Variants in RICTOR observed in about 807,000 individuals in gnomAD.
RICTOR encodes rapamycin-insensitive companion of mTOR.
A neutral mutation model predicts 214.9 loss-of-function variants in RICTOR; 49 were observed. The observed-to-expected ratio is 0.23, with a 90% CI of 0.18 to 0.29. RICTOR has a LOEUF of 0.29. RICTOR is among the 10% of genes least tolerant of loss of function. RICTOR has a pLI of 1.00. For missense variants in RICTOR, 1,625 were observed against 2,047.0 expected (o/e 0.79, Z 3.98); for synonymous variants, 717 against 711.3 (o/e 1.01, Z -0.13).
chr5:39,063,835 T>TAA (rs879261245), intron 2 of RICTOR, among the ~76,000 whole-genome samples: 12 of 144,512 alleles, frequency 8.3e-5, no homozygotes, highest in African/African-American at 2.8e-4. Flanking sequence ...ACAATGGGGT[T>TAA]AAAAAAAAAA....
chr5:39,051,919 TTTC>T (rs1757889807), intron 2 of RICTOR, among the ~76,000 whole-genome samples: 1 of 152,204 alleles, frequency 6.6e-6, no homozygotes, highest in African/African-American at 2.4e-5. Flanking sequence ...AACTTAAAAT[TTTC>T]TTACTTTAAG....
chr5:39,065,795 C>T (rs1193404356), intron 2 of RICTOR, among the ~76,000 whole-genome samples: 1 of 152,236 alleles, frequency 6.6e-6, no homozygotes, highest in Non-Finnish European at 1.5e-5. Flanking sequence ...CTCTATGTTC[C>T]ACATTCAAGG....
chr5:39,034,745 C>T (rs1038921303), intron 2 of RICTOR, among the ~76,000 whole-genome samples: 3 of 152,212 alleles, frequency 2.0e-5, no homozygotes, highest in African/African-American at 7.2e-5. Context: ...GATCAAACTG[C>T]AAGGCAGCAG....
At chr5:39,044,358 TG>T (rs1757350977) in intron 2 of RICTOR, among the ~76,000 whole-genome samples, 1 of 152,198 alleles carries the variant, frequency 6.6e-6, no homozygotes, top group African/African-American at 2.4e-5. Flanking sequence ...AACAAGACTA[TG>T]CTTCTTAAAT....
At chr5:38,996,705 A>T in intron 6 of RICTOR, 114 bp downstream of exon 6, 1 of 590,022 alleles carries the variant, frequency 1.7e-6, no homozygotes, top group Non-Finnish European at 3.0e-6. Context: ...AAAAATGTTT[A>T]ATAAAAGTTT....
At chr5:39,050,199 AATATAT>A (rs35127418) in intron 2 of RICTOR, among the ~76,000 whole-genome samples, 2 of 148,472 alleles carry the variant, frequency 1.3e-5, no homozygotes, top group African/African-American at 5.0e-5. Flanking sequence ...TAAATAAATA[AATATAT>A]ATATATATAA....
intron 2 of RICTOR, among the ~76,000 whole-genome samples, chr5:39,033,507 C>T (rs1756421488): frequency 1.3e-5 from 2 of 152,108 alleles, no homozygotes; most frequent in Admixed American, 1.3e-4. Flanking sequence ...CCTGATCCAC[C>T]CGTCTTGGCC....
At chr5:39,031,928 G>A (rs992762486) in intron 2 of RICTOR, among the ~76,000 whole-genome samples, 1 of 152,174 alleles carries the variant, frequency 6.6e-6, no homozygotes, top group African/African-American at 2.4e-5. Flanking sequence ...GACACTGGGA[G>A]TCCATCTTCT....
intron 2 of RICTOR, among the ~76,000 whole-genome samples, chr5:39,042,674 A>G (rs1356360536): frequency 6.6e-6 from 1 of 152,202 alleles, no homozygotes; most frequent in East Asian, 1.9e-4. Flanking sequence ...ATCTCCCTAT[A>G]CCACAATTCT....
chr5:38,973,316 T>G (rs891587141), intron 10 of RICTOR, among the ~76,000 whole-genome samples: 7 of 152,116 alleles, frequency 4.6e-5, no homozygotes, highest in Admixed American at 3.3e-4. Flanking sequence ...GACATCTAGT[T>G]CTAGTTAATA....
At chr5:39,033,945 A>G (rs1437462076) in intron 2 of RICTOR, among the ~76,000 whole-genome samples, 3 of 152,240 alleles carry the variant, frequency 2.0e-5, no homozygotes, top group Non-Finnish European at 4.4e-5. Flanking sequence ...TCTGAATTAT[A>G]AACTTACTTC....
intron 24 of RICTOR, 95 bp from the exon 25 acceptor site, chr5:38,957,825 C>G (rs1749408023): frequency 3.1e-6 from 2 of 647,990 alleles, no homozygotes; most frequent in South Asian, 4.1e-5. Context: ...GTATAAGGAG[C>G]TAAAAGACTT....
At chr5:38,962,851 G>GA in intron 17 of RICTOR, 25 bp downstream of exon 17, 1 of 1,584,642 alleles carries the variant, frequency 6.3e-7, no homozygotes, top group Non-Finnish European at 8.7e-7. Flanking sequence ...TGTTTAAGAT[G>GA]AAAATCATGA....
At chr5:38,987,869 T>C (rs1752294364) in intron 7 of RICTOR, among the ~76,000 whole-genome samples, 2 of 152,220 alleles carry the variant, frequency 1.3e-5, no homozygotes, top group Admixed American at 6.5e-5. Flanking sequence ...CTCTAAACAC[T>C]GCTTTAGCTG....
At chr5:38,996,507 G>C (rs1420433995) in intron 6 of RICTOR, among the ~76,000 whole-genome samples, 1 of 152,192 alleles carries the variant, frequency 6.6e-6, no homozygotes, top group Non-Finnish European at 1.5e-5. Context: ...TGGGGAGCAA[G>C]TAATCCTCTT....
At chr5:38,966,766 A>G (rs1355045967) in intron 14 of RICTOR, 45 bp from the exon 15 acceptor site, 1 of 1,037,714 alleles carries the variant, frequency 9.6e-7, no homozygotes, top group Non-Finnish European at 1.5e-6. Context: ...AATAATACAT[A>G]TGAAAACATT....
intron 5 of RICTOR, among the ~76,000 whole-genome samples, chr5:39,002,169 CAAAAAAA>C (rs70982532): frequency 3.3e-5 from 4 of 122,558 alleles, no homozygotes; most frequent in Non-Finnish European, 3.4e-5. Flanking sequence ...TGTTACACAG[CAAAAAAA>C]AAAAAAAAAA....
At chr5:39,032,046 G>A (rs1425765847) in intron 2 of RICTOR, among the ~76,000 whole-genome samples, 1 of 152,160 alleles carries the variant, frequency 6.6e-6, no homozygotes, top group African/African-American at 2.4e-5. Flanking sequence ...TAATTTAGTA[G>A]AGAAAGGCTG....
chr5:39,046,782 G>A (rs1384482697), intron 2 of RICTOR, among the ~76,000 whole-genome samples: 1 of 151,924 alleles, frequency 6.6e-6, no homozygotes, highest in African/African-American at 2.4e-5. Context: ...ATTACCTAAA[G>A]CTTTGAGTTA....
Sources: gnomAD v4.1 joint callset for allele counts (sites outside exome capture counted in the v4.1 genomes callset) on GRCh38, gnomAD v4.1.1 for gene constraint, MANE v1.5 for transcripts, NCBI Gene and HGNC (gene_info 2026-07-23, HGNC 2026-07-21) for gene names.